Variants in NFATC2 observed in about 807,000 individuals in gnomAD.
NFATC2 encodes nuclear factor of activated T cells 2.
In NFATC2, 22 loss-of-function variants were observed where a neutral mutation model predicts 87.3. The observed-to-expected ratio is 0.25, with a 90% CI of 0.18 to 0.36. The LOEUF is 0.36. NFATC2 is among the 10% of genes least tolerant of loss of function. NFATC2 has a pLI of 1.00. For missense variants in NFATC2, 1,149 were observed against 1,259.1 expected (o/e 0.91, Z 1.32); for synonymous variants, 565 against 542.2 (o/e 1.04, Z -0.58).
chr20:51,421,139 A>T (rs916490431), intron 9 of NFATC2, among the ~76,000 whole-genome samples: 3 of 152,030 alleles, frequency 2.0e-5, no homozygotes, highest in Non-Finnish European at 4.4e-5. Context: ...CCAGGTAATG[A>T]ATATAACAGG....
intron 3 of NFATC2, among the ~76,000 whole-genome samples, chr20:51,497,402 T>C (rs543307900): frequency 8.5e-5 from 13 of 152,298 alleles, no homozygotes; most frequent in Middle Eastern, 3.4e-3. Flanking sequence ...TCTAGAGACA[T>C]AGTCACGGGG....
At chr20:51,398,172 A>AG (rs1987489807) in intron 10 of NFATC2, among the ~76,000 whole-genome samples, 1 of 150,888 alleles carries the variant, frequency 6.6e-6, no homozygotes, top group Non-Finnish European at 1.5e-5. Flanking sequence ...CCTTGAGTGG[A>AG]GGGAATCAGG....
At chr20:51,538,622 A>T (rs747696432) in intron 1 of NFATC2, among the ~76,000 whole-genome samples, 30 of 152,226 alleles carry the variant, frequency 2.0e-4, no homozygotes, top group Non-Finnish European at 4.0e-4. Flanking sequence ...TGACCCTAGG[A>T]TCTAACACAG....
chr20:51,446,932 T>C (rs1344173454), intron 6 of NFATC2, among the ~76,000 whole-genome samples: 1 of 152,026 alleles, frequency 6.6e-6, no homozygotes, highest in African/African-American at 2.4e-5. Flanking sequence ...GGAAGCCCCA[T>C]CTAGAGACTC....
intron 6 of NFATC2, among the ~76,000 whole-genome samples, chr20:51,443,133 T>G (rs902646540): frequency 1.3e-5 from 2 of 151,094 alleles, no homozygotes; most frequent in Non-Finnish European, 2.9e-5. Flanking sequence ...TCTGTGACCA[T>G]CCCCTTCCCA....
At chr20:51,428,714 G>A (rs1982238504) in intron 9 of NFATC2, among the ~76,000 whole-genome samples, 1 of 152,202 alleles carries the variant, frequency 6.6e-6, no homozygotes, top group Non-Finnish European at 1.5e-5. Context: ...CTTGTGCGGG[G>A]GAGGGAGGAC....
rs540854341 is a variant in NFATC2 at position 51,455,475 on chromosome 20, C to T, written c.1709-787G>A. Among the ~76,000 whole-genome samples, 51 of 151,866 alleles carry T rather than the reference C, an allele frequency of 3.4e-4. No homozygotes were observed. In the South Asian group the frequency reaches 0.01, roughly 30 times the overall value. On this transcript the variant is annotated intron_variant, in intron 5 of 10. Coordinates refer to ENST00000371564, the MANE Select transcript of NFATC2 (RefSeq NM_012340.5). Reference sequence around the variant, plus strand: ...CCTCCCAAGAGTTAAAACAGCAGTACCCAGCCCGGTCCCTCTCTCTCATTC... The same window carrying T: ...CCTCCCAAGAGTTAAAACAGCAGTATCCAGCCCGGTCCCTCTCTCTCATTC...
intron 9 of NFATC2, among the ~76,000 whole-genome samples, chr20:51,407,717 G>A (rs577513309): frequency 2.6e-5 from 4 of 152,206 alleles, no homozygotes; most frequent in African/African-American, 4.8e-5. Flanking sequence ...ACCCAGCCGC[G>A]TGCCTGGCAT....
chr20:51,561,493 AAGCAAGC>A (rs2077031366), intron 1 of NFATC2, among the ~76,000 whole-genome samples: 5 of 95,050 alleles, frequency 5.3e-5, no homozygotes, highest in Admixed American at 3.6e-4. Context: ...GAAAGCAAGC[AAGCAAGC>A]AAGCAAGCAA....
chr20:51,459,912 A>AC (rs1986968601), intron 5 of NFATC2, among the ~76,000 whole-genome samples: 3 of 152,170 alleles, frequency 2.0e-5, no homozygotes. Flanking sequence ...ACAAAACAAA[A>AC]AAAAGTTCTG....
At chr20:51,506,969 C>T (rs1366743400) in intron 3 of NFATC2, among the ~76,000 whole-genome samples, 1 of 152,246 alleles carries the variant, frequency 6.6e-6, no homozygotes, top group African/African-American at 2.4e-5. Flanking sequence ...GCCAGCCAGG[C>T]ACTGCGCTGA....
rs73910858 is a variant in NFATC2 at position 51,463,173 on chromosome 20, G to C, written c.1709-8485C>G. Among the ~76,000 whole-genome samples, 530 of 152,340 alleles carry C rather than the reference G, an allele frequency of 3.5e-3. 4 individuals are homozygous for C. The highest frequency in any genetic ancestry group is 0.012 in the African/African-American group (503 of 41,588). ...GGAGAGGCTGTGAGCAGGGCCAGCA[G>C]ACAGGCCCCTCAGCCTCCACTCTGG... On this transcript the variant is annotated intron_variant, in intron 5 of 10. Coordinates refer to ENST00000371564, the MANE Select transcript of NFATC2 (RefSeq NM_012340.5).
At chr20:51,561,769 A>G (rs1174307378) in intron 1 of NFATC2, among the ~76,000 whole-genome samples, 1 of 152,070 alleles carries the variant, frequency 6.6e-6, no homozygotes, top group South Asian at 2.1e-4. Flanking sequence ...CGCTTTGCCC[A>G]TTTCCACTTT....
chr20:51,407,615 G>T lies in NFATC2; in HGVS notation c.2723-8885C>A, dbSNP rs1336834799. Reference sequence around the variant, plus strand: ...GAGGAGACAGTGCCTCTGAGCTCTTGCTCATGCTGCACTCCTGCCTGGCAC... The same window carrying T: ...GAGGAGACAGTGCCTCTGAGCTCTTTCTCATGCTGCACTCCTGCCTGGCAC... On this transcript the variant is annotated intron_variant, in intron 9 of 10. Coordinates refer to ENST00000371564, the MANE Select transcript of NFATC2 (RefSeq NM_012340.5). Among the ~76,000 whole-genome samples the T allele has an allele frequency of 2.0e-5, 3 of 152,174 alleles. 1 individual carries two copies. Among genetic ancestry groups the T allele is most frequent in the Non-Finnish European group, 4.4e-5 (3 of 68,040 alleles).
At chr20:51,436,391 C>CTT (rs1416434513) in intron 6 of NFATC2, among the ~76,000 whole-genome samples, 4 of 86,894 alleles carry the variant, frequency 4.6e-5, no homozygotes, top group East Asian at 8.5e-4. Context: ...GTCTATCTTT[C>CTT]TATTTTTTTT....
chr20:51,551,992 A>C (rs924664450), intron 1 of NFATC2, among the ~76,000 whole-genome samples: 1 of 150,762 alleles, frequency 6.6e-6, no homozygotes, highest in Admixed American at 6.6e-5. Flanking sequence ...ACGCCACTGC[A>C]CTCCAGCCTG....
At chr20:51,399,307 C>T (rs1486410068) in intron 9 of NFATC2, 1 of 152,924 alleles carries the variant, frequency 6.5e-6, no homozygotes, top group Non-Finnish European at 1.5e-5. Flanking sequence ...CCTGGGGAGT[C>T]TATTGTAAAT....
intron 3 of NFATC2, among the ~76,000 whole-genome samples, chr20:51,514,740 G>T (rs1291957237): frequency 2.6e-5 from 4 of 152,230 alleles, no homozygotes; most frequent in East Asian, 3.9e-4. Context: ...AGGCATGGTG[G>T]CGCACACCTG....
chr20:51,468,362 G>A (rs1987887906), intron 5 of NFATC2, among the ~76,000 whole-genome samples: 2 of 152,142 alleles, frequency 1.3e-5, no homozygotes, highest in African/African-American at 4.8e-5. Context: ...AGAGGGAAAA[G>A]AGCATGTGAA....
Sources: allele counts gnomAD v4.1 joint callset (sites outside exome capture counted in the v4.1 genomes callset), GRCh38; gene constraint gnomAD v4.1.1; transcripts MANE v1.5; gene names NCBI Gene and HGNC (gene_info 2026-07-23, HGNC 2026-07-21).